The following IPCEF1 variants were observed in gnomAD, a reference collection of about 807,000 sequenced individuals.
IPCEF1 encodes interaction protein for cytohesin exchange factors 1, also known as interactor protein for cytohesin exchange factors 1.
IPCEF1 carries 31 observed loss-of-function variants against 50.9 expected under a neutral mutation model. That is an observed-to-expected ratio of 0.61 (90% confidence interval 0.46 to 0.82). The LOEUF (loss-of-function observed/expected upper bound fraction) is 0.82. Ranked by LOEUF, IPCEF1 falls within the 40% of genes least tolerant of loss-of-function variation. IPCEF1 has a pLI of 0.00. For synonymous variants in IPCEF1, 181 were observed against 192.0 expected, an observed-to-expected ratio of 0.94 and a Z score of 0.47; for missense variants, 458 against 514.0, an observed-to-expected ratio of 0.89 and a Z score of 1.05.
At position 154,266,449 on chromosome 6, in the gene IPCEF1, A is replaced by G. The variant is rs146879671; in HGVS notation, c.-17-485T>C. Among the ~76,000 whole-genome samples the G allele has an allele frequency of 4.5e-3, 683 of 151,858 alleles. 5 individuals carry two copies. Among genetic ancestry groups the G allele is most frequent in the African/African-American group, 0.016 (649 of 41,464 alleles). ...TTTTTATTTCAGAACTCAATAAGCC[A>G]ACTGTTTAAAGTTGAGTTCATAAGA... On this transcript the variant is annotated intron_variant, in intron 2 of 11. Coordinates refer to ENST00000367220, the MANE Select transcript of IPCEF1 (RefSeq NM_001130700.2).
Position 154,246,721 on chromosome 6 carries a change from T to C in IPCEF1, c.116A>G (p.Asp39Gly). Residue 39 changes from aspartate (D) to glycine (G), a missense_variant, in exon 5 of 12, where the codon GAT becomes GGT. Transcript: ENST00000367220. ...TMSRRRISCK[D>G]LGHADCQGWL... ...CCCTTGGCAGTCAGCATGGCCCAGA[T>C]CTTTACACGATATCCTCCTCCGACT... The C allele has an allele frequency of 1.2e-6, 2 of 1,614,066 alleles. No homozygotes were observed. Among genetic ancestry groups the C allele is most frequent in the South Asian group, 2.2e-5 (2 of 91,080 alleles).
At chr6:154,340,493 T>C (rs1263412462) in intron 1 of IPCEF1, among the ~76,000 whole-genome samples, 1 of 151,746 alleles carries the variant, frequency 6.6e-6, no homozygotes, top group African/African-American at 2.4e-5. Context: ...TCAGGTGATC[T>C]GCCCACCTCA....
intron 5 of IPCEF1, among the ~76,000 whole-genome samples, chr6:154,224,850 C>G (rs1314556416): frequency 6.6e-6 from 1 of 152,124 alleles, no homozygotes; most frequent in Admixed American, 6.5e-5. Context: ...ATATATGCAG[C>G]TTCTCTCTTG....
At chr6:154,313,067 CAAAA>C (rs71021040) in intron 1 of IPCEF1, among the ~76,000 whole-genome samples, 1 of 59,062 alleles carries the variant, frequency 1.7e-5, no homozygotes. Flanking sequence ...GGCCCTGTCT[CAAAA>C]AAAAAAAAAA....
At chr6:154,217,330 T>C (rs1778482060) in intron 7 of IPCEF1, 1 of 152,152 alleles carries the variant, frequency 6.6e-6, no homozygotes, top group Admixed American at 6.6e-5. Context: ...TCAGAGCTCA[T>C]GGTCAGATGA....
chr6:154,295,894 TACACACACACACACACGCAC>T (rs1450119738), intron 1 of IPCEF1, among the ~76,000 whole-genome samples: 2 of 106,712 alleles, frequency 1.9e-5, no homozygotes, highest in Admixed American at 2.5e-4. Context: ...CACACATGCG[TACACACACACACACACGCAC>T]ACACACACAC....
chr6:154,342,615 G>A (rs1159334807), intron 1 of IPCEF1, among the ~76,000 whole-genome samples: 1 of 151,968 alleles, frequency 6.6e-6, no homozygotes, highest in Non-Finnish European at 1.5e-5. Flanking sequence ...AGAAACAGTG[G>A]CAGGGTGAGG....
intron 1 of IPCEF1, among the ~76,000 whole-genome samples, chr6:154,333,648 G>A (rs1181335820): frequency 6.7e-6 from 1 of 149,986 alleles, no homozygotes; most frequent in African/African-American, 2.5e-5. Context: ...AAGTATACAT[G>A]TATACATATA....
At chr6:154,316,394 T>C (rs1352764972) in intron 1 of IPCEF1, among the ~76,000 whole-genome samples, 6 of 152,156 alleles carry the variant, frequency 3.9e-5, no homozygotes, top group Non-Finnish European at 8.8e-5. Context: ...ACCTGCAATA[T>C]CTCTGAGTTA....
At chr6:154,250,252 T>TAA (rs75500632) in intron 3 of IPCEF1, among the ~76,000 whole-genome samples, 383 of 125,350 alleles carry the variant, frequency 3.1e-3, no homozygotes, top group African/African-American at 0.011. Flanking sequence ...GCTAGGTAAG[T>TAA]AAAAAAAAAA....
chr6:154,303,353 A>G (rs4870277), intron 1 of IPCEF1, among the ~76,000 whole-genome samples: 121,580 of 152,062 alleles, frequency 0.8, 49,463 homozygotes, highest in African/African-American at 0.94. Flanking sequence ...GCCTCCCAAA[A>G]TGCTGGGATT....
chr6:154,318,392 A>T (rs1449515030), intron 1 of IPCEF1, among the ~76,000 whole-genome samples: 1 of 152,146 alleles, frequency 6.6e-6, no homozygotes, highest in Admixed American at 6.6e-5. Flanking sequence ...ATTTCCAGGG[A>T]ATTAAAATTT....
At chr6:154,247,943 A>C (rs1401994318) in intron 3 of IPCEF1, among the ~76,000 whole-genome samples, 9 of 152,232 alleles carry the variant, frequency 5.9e-5, no homozygotes, top group Non-Finnish European at 1.2e-4. Flanking sequence ...GAGTCACTTG[A>C]CTATTCAGCT....
At chr6:154,330,705 C>T (rs532031114) in intron 1 of IPCEF1, among the ~76,000 whole-genome samples, 1 of 152,296 alleles carries the variant, frequency 6.6e-6, no homozygotes, top group East Asian at 1.9e-4. Context: ...TCTCTTACAG[C>T]ACCCCTCACA....
At chr6:154,355,434 T>C (rs1414248043) in intron 1 of IPCEF1, among the ~76,000 whole-genome samples, 1 of 152,010 alleles carries the variant, frequency 6.6e-6, no homozygotes, top group African/African-American at 2.4e-5. Flanking sequence ...CTTGCTTGCA[T>C]GATGTGAGCA....
chr6:154,207,463 G>A (rs540290859), intron 9 of IPCEF1, among the ~76,000 whole-genome samples: 1 of 152,306 alleles, frequency 6.6e-6, no homozygotes, highest in Admixed American at 6.5e-5. Flanking sequence ...ATAATCAAAT[G>A]ACTTTGGTAG....
chr6:154,160,152 A>C (rs1364254588), intron 11 of IPCEF1, 112 bp from the exon 12 acceptor site: 3 of 793,896 alleles, frequency 3.8e-6, no homozygotes, highest in Non-Finnish European at 6.0e-6. Flanking sequence ...TTACCAAAGC[A>C]TTTTTGCACG....
chr6:154,258,643 C>G (rs1781519571), intron 3 of IPCEF1, among the ~76,000 whole-genome samples: 1 of 152,196 alleles, frequency 6.6e-6, no homozygotes, highest in Non-Finnish European at 1.5e-5. Flanking sequence ...TACCAAATCT[C>G]TCTTTCCTCT....
chr6:154,284,982 A>G (rs939188395), intron 2 of IPCEF1, among the ~76,000 whole-genome samples: 4 of 152,176 alleles, frequency 2.6e-5, no homozygotes, highest in African/African-American at 9.7e-5. Context: ...CCTGGGTGAT[A>G]GAGTGAGACT....
Sources: allele counts gnomAD v4.1 joint callset (sites outside exome capture counted in the v4.1 genomes callset), GRCh38; gene constraint gnomAD v4.1.1; transcripts MANE v1.5; gene names NCBI Gene and HGNC (gene_info 2026-07-23, HGNC 2026-07-21).